SYNE1: variants seen among roughly 807,000 people sequenced by gnomAD.
SYNE1 encodes the protein spectrin repeat containing nuclear envelope protein 1, also known as nesprin-1.
A neutral mutation model predicts 1,111.0 loss-of-function variants in SYNE1; 616 were observed. That is an observed-to-expected ratio of 0.55 (90% CI 0.52 to 0.59). The LOEUF is 0.59. SYNE1 is among the 20% of genes least tolerant of loss of function. SYNE1 has a pLI of 0.00. For synonymous variants in SYNE1, 3,855 were observed against 3,825.8 expected (o/e 1.01, Z -0.28); for missense variants, 10,006 against 10,417.0 (o/e 0.96, Z 1.72).
Position 152,325,225 on chromosome 6 carries a change from G to A in SYNE1, c.15516C>T (p.Thr5172=), listed in dbSNP as rs777234795. 14 of 1,613,970 alleles carry A rather than the reference G, an allele frequency of 8.7e-6. No homozygotes were observed. Among genetic ancestry groups the A allele is most frequent in the South Asian group, 4.4e-5 (4 of 91,080 alleles). ...GGGTGGCTTTGCTGGCATCATTTCC[G>A]GTTTTCTCCAGTTGTGAAGCTTTTT... The part of the protein sequence containing the change: ...LEEKASQLEK[T]GNDASKATLS... The change falls in exon 81 of 146, where the codon ACC becomes ACT. Residue 5172 remains threonine, a synonymous_variant. Coordinates refer to ENST00000367255, the MANE Select transcript of SYNE1 (RefSeq NM_182961.4).
chr6:152,164,076 G>C (rs982961033), intron 131 of SYNE1, 87 bp downstream of exon 131: 1 of 1,569,736 alleles, frequency 6.4e-7, no homozygotes, highest in Non-Finnish European at 8.8e-7. Flanking sequence ...TCCATCTCCA[G>C]GCACCATCTC....
At position 152,330,824 on chromosome 6, in the gene SYNE1, T is replaced by C; in HGVS notation, c.13861A>G (p.Thr4621Ala). ...ATGGTCTGCCCAGTTCTCTGCAGCG[T>C]AAGTAGAAGATTTTCATATTCTGGA... ...QSPEYENLLLTLQRTGQTILP... is the reference protein window; with the variant it reads ...QSPEYENLLLALQRTGQTILP... Residue 4621 changes from threonine (T) to alanine (A), a missense_variant, in exon 78 of 146, where the codon ACG (threonine) becomes GCG (alanine). Physicochemically the swap from Thr to Ala is moderately conservative, Grantham distance 58. Transcript: ENST00000367255. 6.2e-7 allele frequency: 1 copy of C among 1,614,040 alleles called. No homozygotes were observed. Among genetic ancestry groups the C allele is most frequent in the Non-Finnish European group, 8.5e-7 (1 of 1,180,032 alleles).
chr6:152,496,448 A>G (rs2098999818), intron 11 of SYNE1, among the ~76,000 whole-genome samples: 1 of 152,078 alleles, frequency 6.6e-6, no homozygotes, highest in South Asian at 2.1e-4. Context: ...TTAGTCCTTT[A>G]TTACCTCTTT....
At chr6:152,337,688 T>C (rs2096433760) in intron 75 of SYNE1, among the ~76,000 whole-genome samples, 1 of 152,246 alleles carries the variant, frequency 6.6e-6, no homozygotes, top group Admixed American at 6.5e-5. Context: ...CTCATGAATT[T>C]GGTGTTAAGG....
chr6:152,324,503 A>G (rs1464877996), intron 81 of SYNE1, among the ~76,000 whole-genome samples: 2 of 152,194 alleles, frequency 1.3e-5, no homozygotes, highest in African/African-American at 4.8e-5. Context: ...GCCGTTAAGA[A>G]AGCAAATGGG....
chr6:152,221,710 T>C (rs2080220634), intron 117 of SYNE1, 151 bp from the exon 118 acceptor site: 2 of 1,039,162 alleles, frequency 1.9e-6, no homozygotes, highest in Admixed American at 4.8e-5. Flanking sequence ...CAGCTTTCTT[T>C]AGATAATCAT....
chr6:152,224,857 T>G (rs574460470), intron 116 of SYNE1, among the ~76,000 whole-genome samples, 193 bp from the exon 117 acceptor site: 3 of 149,260 alleles, frequency 2.0e-5, no homozygotes, highest in Non-Finnish European at 3.0e-5. Context: ...TTCCACACTT[T>G]AAACACTCAG....
Position 152,268,117 on chromosome 6 carries a change from C to T in SYNE1, c.18754G>A (p.Ala6252Thr). 1 of 1,614,124 alleles carries T rather than the reference C, an allele frequency of 6.2e-7. No individual in the cohort carries two copies. The highest frequency in any genetic ancestry group is 8.5e-7 in the Non-Finnish European group (1 of 1,179,998). ...AEQKSLLRSV[A>T]SRGEEILIQH... ...ATTAGAATCTCCTCTCCACGACTGG[C>T]TACTGAGCGAAGGAGACTCTTCTGC... The change falls in exon 100 of 146, where the codon GCC becomes ACC. Residue 6252 changes from alanine (A) to threonine (T), a missense_variant. Ala to Thr is a moderately conservative substitution (Grantham distance 58, BLOSUM62 0). This residue lies in a region of SYNE1 where 2,182 missense variants were observed against 2,287.8 expected (regional missense o/e 0.95). Coordinates refer to ENST00000367255, the MANE Select transcript of SYNE1 (RefSeq NM_182961.4).
Position 152,364,986 on chromosome 6 carries a change from G to A in SYNE1, c.10006C>T (p.Gln3336Ter). Residue 3336 changes from glutamine to a stop codon, truncating the protein, a stop_gained, in exon 63 of 146, where the codon CAG becomes TAG. Coordinates refer to ENST00000367255, the MANE Select transcript of SYNE1 (RefSeq NM_182961.4). LOFTEE classifies it high-confidence loss of function. ...LLSVKQEKEIQMKMIVTRGES... is the reference protein window; with the variant it reads ...LLSVKQEKEI The stretch of plus-strand genomic sequence containing the variant: ...CCCCTGGTCACTATCATTTTCATCT[G>A]AATCTCTTTTTCCTGTTTGACTGAT... 6.2e-7 allele frequency: 1 copy of A among 1,614,198 alleles called. No homozygotes were observed. The highest frequency in any genetic ancestry group is 8.5e-7 in the Non-Finnish European group (1 of 1,180,040).
rs1554441768 is a variant in SYNE1, at chr6:152,155,985, G to C, written c.23903C>G (p.Ser7968Cys). ...DACATDAECD[S>C]IQQATRNLDR... ...CAGGTTTCTCGTAGCCTGCTGTATA[G>C]AGTCACACTCGGCATCAGTGGCACA... Residue 7968 changes from serine to cysteine, a missense_variant, in exon 132 of 146, where the codon TCT becomes TGT. Physicochemically the swap from Ser to Cys is moderately radical, Grantham distance 112. Coordinates refer to ENST00000367255, the MANE Select transcript of SYNE1 (RefSeq NM_182961.4). The C allele has an allele frequency of 4.3e-6, 7 of 1,614,154 alleles. No homozygotes were observed. Among genetic ancestry groups the C allele is most frequent in the Non-Finnish European group, 5.9e-6 (7 of 1,180,032 alleles).
chr6:152,354,687 G>T lies in SYNE1; in HGVS notation c.10898C>A (p.Thr3633Asn), dbSNP rs1174795606. The change falls in exon 67 of 146, where the codon ACC becomes AAC. Residue 3633 changes from threonine to asparagine, a missense_variant. Coordinates refer to ENST00000367255, the MANE Select transcript of SYNE1 (RefSeq NM_182961.4). ...CATCTGATGTAATTGTATCTCCTTG[G>T]TTGCCCTGTTAGACTGACGTCTGGT... ...PRTRRQSNRA[T>N]KEIQLHQMKK... 6.2e-7 allele frequency: 1 copy of T among 1,614,054 alleles called. No individual in the cohort carries two copies. The highest frequency in any genetic ancestry group is 8.5e-7 in the Non-Finnish European group (1 of 1,180,040).
chr6:152,564,390 C>T (rs1221190602), intron 3 of SYNE1, among the ~76,000 whole-genome samples: 1 of 152,184 alleles, frequency 6.6e-6, no homozygotes, highest in Non-Finnish European at 1.5e-5. Context: ...GCTCTCGGCT[C>T]ACTATAGCCT....
intron 16 of SYNE1, among the ~76,000 whole-genome samples, chr6:152,469,604 G>A (rs555792221): frequency 6.6e-6 from 1 of 152,100 alleles, no homozygotes; most frequent in Non-Finnish European, 1.5e-5. Context: ...ATATTTATGT[G>A]AATTACATTC....
intron 145 of SYNE1, among the ~76,000 whole-genome samples, chr6:152,130,111 G>C (rs527781692): frequency 1.4e-4 from 22 of 152,284 alleles, no homozygotes; most frequent in Non-Finnish European, 2.4e-4. Context: ...GCGGGTTCCA[G>C]AGTGAGCTTG....
chr6:152,220,536 G>C (rs531708032), intron 119 of SYNE1, among the ~76,000 whole-genome samples: 1 of 152,138 alleles, frequency 6.6e-6, no homozygotes, highest in Non-Finnish European at 1.5e-5. Flanking sequence ...TTCCCCATAT[G>C]GTCATGTCTT....
chr6:152,394,432 C>T (rs1286710224), intron 51 of SYNE1, among the ~76,000 whole-genome samples: 4 of 152,118 alleles, frequency 2.6e-5, no homozygotes, highest in African/African-American at 7.2e-5. Flanking sequence ...CCCAAGGAGC[C>T]AAAGCCAAGC....
In SYNE1 at chr6:152,613,035, A is replaced by G. The variant is rs913543432; in HGVS notation, c.67+15230T>C. ...AGCTATTTATGACAAGCCCACAGCC[A>G]ATATCATACTGAATGGGCAAAAACT... On this transcript the variant is annotated intron_variant, in intron 3 of 145. Transcript: ENST00000367255. Among the ~76,000 whole-genome samples the G allele has an allele frequency of 5.9e-5, 9 of 152,350 alleles. No individual in the cohort carries two copies. In the East Asian group the frequency reaches 1.2e-3, roughly 20 times the overall value.
intron 97 of SYNE1, among the ~76,000 whole-genome samples, chr6:152,281,232 A>T (rs2094008027): frequency 6.6e-6 from 1 of 152,224 alleles, no homozygotes; most frequent in African/African-American, 2.4e-5. Context: ...AAAATTCCAT[A>T]ATAAAGAGGT....
intron 3 of SYNE1, among the ~76,000 whole-genome samples, chr6:152,626,591 A>G (rs2099686194): frequency 6.6e-6 from 1 of 152,182 alleles, no homozygotes; most frequent in African/African-American, 2.4e-5. Context: ...CCCATGGAAA[A>G]GGTCTAGACC....
Sources: allele counts gnomAD v4.1 joint callset (sites outside exome capture counted in the v4.1 genomes callset), GRCh38; gene constraint gnomAD v4.1.1; regional missense constraint gnomAD v4.1.1; transcripts MANE v1.5; gene names NCBI Gene and HGNC (gene_info 2026-07-23, HGNC 2026-07-21).